The following NKAIN3 variants were observed in gnomAD, a reference collection of about 807,000 sequenced individuals.
NKAIN3 encodes the protein sodium/potassium transporting ATPase interacting 3.
Under a neutral mutation model 30.2 loss-of-function variants are expected in NKAIN3, and 25 were observed. The observed-to-expected ratio is 0.83, with a 90% CI of 0.60 to 1.16. The LOEUF is 1.16. Ranked by LOEUF, NKAIN3 falls within the 50% of genes most tolerant of loss-of-function variation. The probability of loss-of-function intolerance (pLI) is 0.00; values close to 1 mark genes in which losing one functional copy is unlikely to be tolerated. For missense variants in NKAIN3, 225 were observed against 254.1 expected, an observed-to-expected ratio of 0.89 and a Z score of 0.78; for synonymous variants, 91 against 89.6, an observed-to-expected ratio of 1.02 and a Z score of -0.09.
In NKAIN3 at chr8:62,920,654, A is replaced by G. The variant is rs181038815; in HGVS notation, c.532+2141A>G. 1.5e-3 allele frequency among the ~76,000 whole-genome samples: 232 copies of G among 152,300 alleles called. 4 individuals are homozygous for G. The South Asian group carries it at 0.037, about 24-fold the overall frequency. On this transcript the variant is annotated intron_variant, in intron 5 of 6. Transcript: ENST00000623646. ...GAATCAGCTATTTCAGTGCCCTTCA[A>G]ACTGGGATTGAAGCAGCTGCTAGGA...
chr8:62,347,277 A>G (rs1430093608), intron 1 of NKAIN3, among the ~76,000 whole-genome samples: 1 of 152,124 alleles, frequency 6.6e-6, no homozygotes, highest in Non-Finnish European at 1.5e-5. Context: ...AGAACAATGT[A>G]TTGGTGGTTG....
At chr8:62,485,091 C>T (rs1435259558) in intron 1 of NKAIN3, among the ~76,000 whole-genome samples, 1 of 152,156 alleles carries the variant, frequency 6.6e-6, no homozygotes, top group Non-Finnish European at 1.5e-5. Flanking sequence ...CTCTCAGGGG[C>T]CAGAGAGAGG....
At chr8:62,838,912 A>G (rs1471955843) in intron 4 of NKAIN3, among the ~76,000 whole-genome samples, 1 of 152,166 alleles carries the variant, frequency 6.6e-6, no homozygotes, top group African/African-American at 2.4e-5. Flanking sequence ...AGCTTTGGAT[A>G]ACTCGGGTAG....
At chr8:62,505,105 A>C (rs2129702415) in intron 1 of NKAIN3, among the ~76,000 whole-genome samples, 1 of 152,360 alleles carries the variant, frequency 6.6e-6, no homozygotes, top group South Asian at 2.1e-4. Context: ...TTCAAATGCT[A>C]AAGGAAGAAC....
At chr8:62,940,789 A>T (rs959064153) in intron 5 of NKAIN3, among the ~76,000 whole-genome samples, 2 of 152,148 alleles carry the variant, frequency 1.3e-5, no homozygotes, top group African/African-American at 4.8e-5. Flanking sequence ...GAAAAGTTAA[A>T]GCATTAAATG....
chr8:62,258,673 G>GA (rs952572828), intron 1 of NKAIN3, among the ~76,000 whole-genome samples: 28 of 151,716 alleles, frequency 1.8e-4, no homozygotes, highest in African/African-American at 6.0e-4. Context: ...AAGAAAAAAA[G>GA]AAAAAAAGAA....
chr8:62,942,203 C>CATATATATACACATATATATACAT (rs1197935374), intron 5 of NKAIN3, among the ~76,000 whole-genome samples: 1 of 35,002 alleles, frequency 2.9e-5, no homozygotes, highest in African/African-American at 1.7e-4. Flanking sequence ...TATATACACA[C>CATATATATACACATATATATACAT]ATATATATAC....
intron 1 of NKAIN3, among the ~76,000 whole-genome samples, chr8:62,330,254 A>G (rs1159499649): frequency 6.6e-6 from 1 of 151,938 alleles, no homozygotes; most frequent in East Asian, 1.9e-4. Flanking sequence ...CAGATGAGGA[A>G]GAAAAGTATA....
intron 1 of NKAIN3, among the ~76,000 whole-genome samples, chr8:62,330,264 A>G (rs917965843): frequency 6.6e-6 from 1 of 151,910 alleles, no homozygotes; most frequent in Non-Finnish European, 1.5e-5. Flanking sequence ...AGAAAAGTAT[A>G]TATCACAGGA....
chr8:62,795,538 G>A (rs894549638), intron 4 of NKAIN3, among the ~76,000 whole-genome samples: 2 of 152,164 alleles, frequency 1.3e-5, no homozygotes, highest in East Asian at 1.9e-4. Context: ...GAATTTACTC[G>A]CTATAGAACG....
At position 62,984,731 on chromosome 8, in the gene NKAIN3, T is replaced by C. The variant is rs949198672; in HGVS notation, c.*19324T>C. The C allele has an allele frequency of 6.6e-6, 1 of 152,234 alleles. No homozygotes were observed. The highest frequency in any genetic ancestry group is 6.5e-5 in the Admixed American group (1 of 15,286). The allele number at this position is 152,234 out of a possible 1,614,324, so 9.4% of individuals were successfully genotyped here. A position where few individuals can be genotyped will look rare whatever the true frequency, so the allele number is the denominator to read the frequency against. On this transcript the variant is annotated 3_prime_UTR_variant, in exon 7 of 7. Coordinates refer to ENST00000623646, the MANE Select transcript of NKAIN3 (RefSeq NM_001304533.3). ...ATTACTATTTACATTTTTGTGCATATAATGCCTGTATATTATACTCATATT... is the reference window on the plus strand; with the variant it reads ...ATTACTATTTACATTTTTGTGCATACAATGCCTGTATATTATACTCATATT...
intron 4 of NKAIN3, among the ~76,000 whole-genome samples, chr8:62,828,036 G>C (rs1183205548): frequency 6.6e-6 from 1 of 151,564 alleles, no homozygotes; most frequent in African/African-American, 2.4e-5. Flanking sequence ...CAGGTGAAGA[G>C]AAAAGCCAAC....
intron 3 of NKAIN3, among the ~76,000 whole-genome samples, chr8:62,738,148 C>T (rs886274551): frequency 2.3e-4 from 35 of 152,180 alleles, no homozygotes; most frequent in Admixed American, 2.6e-4. Flanking sequence ...TAAAATCGTT[C>T]CTATTTCTCC....
At chr8:62,855,826 G>A in intron 4 of NKAIN3, 2 of 869,004 alleles carry the variant, frequency 2.3e-6, no homozygotes, top group African/African-American at 1.7e-5. Flanking sequence ...AATCCTGGAG[G>A]AGTCACCAGA....
intron 4 of NKAIN3, among the ~76,000 whole-genome samples, chr8:62,823,364 T>C (rs1818912636): frequency 6.6e-6 from 1 of 152,164 alleles, no homozygotes; most frequent in African/African-American, 2.4e-5. Flanking sequence ...ACCACAGTTT[T>C]TTCTTCCTTG....
chr8:62,867,614 G>T (rs76891907), intron 4 of NKAIN3, among the ~76,000 whole-genome samples: 1,584 of 152,268 alleles, frequency 0.01, 24 homozygotes, highest in African/African-American at 0.036. Flanking sequence ...TCTCTTCTCA[G>T]CAAGGCTGTG....
At chr8:62,320,511 C>A (rs1334909138) in intron 1 of NKAIN3, among the ~76,000 whole-genome samples, 1 of 151,994 alleles carries the variant, frequency 6.6e-6, no homozygotes. Context: ...TTCAGGAGCT[C>A]TTTTAGGGCA....
At chr8:62,551,015 A>T (rs1165490934) in intron 1 of NKAIN3, among the ~76,000 whole-genome samples, 1 of 152,170 alleles carries the variant, frequency 6.6e-6, no homozygotes, top group Non-Finnish European at 1.5e-5. Flanking sequence ...TCTCCTTAAC[A>T]TGACGGCTTT....
chr8:62,614,728 T>C (rs565718973), intron 3 of NKAIN3, among the ~76,000 whole-genome samples: 1 of 152,278 alleles, frequency 6.6e-6, no homozygotes, highest in East Asian at 1.9e-4. Context: ...GATATAGTTC[T>C]TCCCACTCTT....
Sources: allele counts gnomAD v4.1 joint callset (sites outside exome capture counted in the v4.1 genomes callset), GRCh38; gene constraint gnomAD v4.1.1; transcripts MANE v1.5; gene names NCBI Gene and HGNC (gene_info 2026-07-23, HGNC 2026-07-21).